PSTPIP1: variants seen among roughly 807,000 people sequenced by gnomAD.
The protein encoded by PSTPIP1 is proline-serine-threonine phosphatase-interacting protein 1.
Under a neutral mutation model 69.6 loss-of-function variants are expected in PSTPIP1, and 66 were observed. The ratio of observed to expected loss-of-function variants is 0.95; its 90% confidence interval spans 0.78 to 1.16. PSTPIP1 has a LOEUF of 1.16. Ranked by LOEUF, PSTPIP1 falls within the 50% of genes most tolerant of loss-of-function variation. The probability of loss-of-function intolerance (pLI) is 0.00; values close to 1 mark genes in which losing one functional copy is unlikely to be tolerated. For missense variants in PSTPIP1, 603 were observed against 557.4 expected, an observed-to-expected ratio of 1.08 and a Z score of -0.82; for synonymous variants, 266 against 222.7, an observed-to-expected ratio of 1.19 and a Z score of -1.73.
At chr15:77,020,854 A>C (rs778519998) in intron 3 of PSTPIP1, among the ~76,000 whole-genome samples, 2 of 125,206 alleles carry the variant, frequency 1.6e-5, no homozygotes, top group Admixed American at 1.8e-4. Context: ...CTGTTTCCTC[A>C]TCTTAGACTC....
chr15:77,031,000 C>T (rs1391231780), intron 9 of PSTPIP1, among the ~76,000 whole-genome samples, 180 bp from the exon 10 acceptor site: 1 of 152,236 alleles, frequency 6.6e-6, no homozygotes, highest in Non-Finnish European at 1.5e-5. Flanking sequence ...ACCTCCCTCC[C>T]TGCAGCCTCA....
rs903762379 is a variant in PSTPIP1 at position 77,025,595 on chromosome 15, G to A, written c.345G>A (p.Gln115=). The change falls in exon 5 of 15, where the codon CAG becomes CAA. Residue 115 remains glutamine (Q), a synonymous_variant. Transcript: ENST00000558012. ...AGTTTCGTGAGAGGCAGAAGGAGCA[G>A]AGGAAGAAGGTGAGGCAGGTGCAGG... ...LEEFRERQKE[Q]RKKYEAVMDR... 5 of 1,545,376 alleles carry A rather than the reference G, an allele frequency of 3.2e-6. No homozygotes were observed. The African/African-American group carries it at 5.5e-5, about 17-fold the overall frequency.
chr15:77,018,324 G>A (rs1228579791), intron 2 of PSTPIP1, 76 bp downstream of exon 2: 13 of 1,534,396 alleles, frequency 8.5e-6, no homozygotes, highest in Admixed American at 3.9e-5. Context: ...GACAGTGGAC[G>A]AGGCCCCCAT....
Position 76,995,402 on chromosome 15 carries a change from C to A in PSTPIP1, c.-172C>A. ...AACAGGTTGAGCTTTTTCCTCCCCTCAGAAGCTCCTCTCTGGCTCGTGGCT... is the reference window on the plus strand; with the variant it reads ...AACAGGTTGAGCTTTTTCCTCCCCTAAGAAGCTCCTCTCTGGCTCGTGGCT... On this transcript the variant is annotated 5_prime_UTR_variant, in exon 1 of 15. Coordinates refer to ENST00000558012, the MANE Select transcript of PSTPIP1 (RefSeq NM_003978.5). 2.1e-6 allele frequency: 3 copies of A among 1,462,582 alleles called. No individual in the cohort carries two copies. The highest frequency in any genetic ancestry group is 2.7e-6 in the Non-Finnish European group (3 of 1,111,662). The allele number at this position is 1,462,582 out of a possible 1,614,324, so 90.6% of individuals were successfully genotyped here. A position where few individuals can be genotyped will look rare whatever the true frequency, so the allele number is the denominator to read the frequency against.
chr15:77,028,266 G>A lies in PSTPIP1; in HGVS notation c.418-288G>A, dbSNP rs939231363. The stretch of plus-strand genomic sequence containing the variant: ...CCTAAGAGGGCGCGGCGTGGCGAGG[G>A]GCGTGGCGAGGGGCGTGCCCTCGCC... On this transcript the variant is annotated intron_variant, in intron 6 of 14. Coordinates refer to ENST00000558012, the MANE Select transcript of PSTPIP1 (RefSeq NM_003978.5). 1.8e-5 allele frequency: 9 copies of A among 500,510 alleles called. No homozygotes were observed. The South Asian group carries it at 2.2e-4, about 12-fold the overall frequency. The allele number at this position is 500,510 out of a possible 1,614,324, so 31.0% of individuals were successfully genotyped here.
chr15:77,026,798 G>A (rs377714305), intron 5 of PSTPIP1, among the ~76,000 whole-genome samples: 139 of 152,378 alleles, frequency 9.1e-4, no homozygotes, highest in African/African-American at 3.1e-3. Flanking sequence ...GAGCTGGGAC[G>A]TGCCCGCAGA....
At chr15:77,001,497 C>T (rs2075706730) in intron 1 of PSTPIP1, among the ~76,000 whole-genome samples, 1 of 152,214 alleles carries the variant, frequency 6.6e-6, no homozygotes, top group Non-Finnish European at 1.5e-5. Flanking sequence ...GCTTTGAGGG[C>T]CAAGGAGGCC....
chr15:77,035,647 T>A, intron 13 of PSTPIP1, 84 bp downstream of exon 13: 1 of 1,490,186 alleles, frequency 6.7e-7, no homozygotes, highest in East Asian at 2.5e-5. Context: ...ATGGGGCCAC[T>A]GAGGCCCTCA....
At chr15:77,025,149 T>G in intron 3 of PSTPIP1, 135 bp from the exon 4 acceptor site, 1 of 975,890 alleles carries the variant, frequency 1.0e-6, no homozygotes, top group South Asian at 1.4e-5. Flanking sequence ...AAAGGGTCCC[T>G]TGGTTCTAGA....
In PSTPIP1 at chr15:77,035,429, T is replaced by C. The variant is rs1262074682; in HGVS notation, c.930-79T>C. Reference sequence around the variant, plus strand: ...AGAGCGCGTGCAGCTCTGAGACCTCTCCCTGTCTAAACCCTCCCTCCTGGT... The same window carrying C: ...AGAGCGCGTGCAGCTCTGAGACCTCCCCCTGTCTAAACCCTCCCTCCTGGT... On this transcript the variant is annotated intron_variant, in intron 12 of 14. Coordinates refer to ENST00000558012, the MANE Select transcript of PSTPIP1 (RefSeq NM_003978.5). 9 of 1,435,850 alleles carry C rather than the reference T, an allele frequency of 6.3e-6. No homozygotes were observed. The African/African-American group carries it at 9.9e-5, about 16-fold the overall frequency. 88.9% of individuals were successfully genotyped at this position (1,435,850 alleles called of 1,614,324 possible).
intron 3 of PSTPIP1, among the ~76,000 whole-genome samples, chr15:77,023,312 C>T (rs1479704540): frequency 6.6e-6 from 1 of 152,198 alleles, no homozygotes; most frequent in Non-Finnish European, 1.5e-5. Context: ...AAAGAGGATG[C>T]CAGGCAAAGA....
intron 1 of PSTPIP1, among the ~76,000 whole-genome samples, chr15:77,000,988 G>A (rs1008650092): frequency 3.3e-5 from 5 of 151,918 alleles, no homozygotes; most frequent in South Asian, 2.1e-4. Flanking sequence ...TTTTTTTAGC[G>A]TAACTCACTC....
chr15:77,003,668 A>G (rs1468742467), intron 1 of PSTPIP1, among the ~76,000 whole-genome samples: 2 of 149,428 alleles, frequency 1.3e-5, no homozygotes, highest in Non-Finnish European at 3.0e-5. Flanking sequence ...AAAAAAAAAA[A>G]GAAGAAGAAG....
Position 77,037,343 on chromosome 15 carries a change from T to A in PSTPIP1, c.*167T>A. The A allele has an allele frequency of 2.4e-5, 21 of 885,300 alleles. No homozygotes were observed. Among genetic ancestry groups the A allele is most frequent in the Non-Finnish European group, 3.4e-5 (21 of 610,208 alleles). 54.8% of individuals were successfully genotyped at this position (885,300 alleles called of 1,614,324 possible). ...GTGCGTTCTGTTCTCCTTGGTGTGC[T>A]GGGGTCCCGTTCTCTTTTTCTCCTG... is the stretch of plus-strand genomic sequence containing the variant. On this transcript the variant is annotated 3_prime_UTR_variant, in exon 15 of 15. Coordinates refer to ENST00000558012, the MANE Select transcript of PSTPIP1 (RefSeq NM_003978.5).
rs1328964535 is a variant in PSTPIP1 at position 76,995,549 on chromosome 15, G to A, written c.-25G>A. ...AGGCCAGCCTGTGGCAGGAGAGTGA[G>A]CTTTGCCGCGGCAGACGCCTGAGGA... On this transcript the variant is annotated 5_prime_UTR_variant, in exon 1 of 15. Coordinates refer to ENST00000558012, the MANE Select transcript of PSTPIP1 (RefSeq NM_003978.5). 2.5e-6 allele frequency: 4 copies of A among 1,613,742 alleles called. No homozygotes were observed. The highest frequency in any genetic ancestry group is 3.4e-6 in the Non-Finnish European group (4 of 1,179,882).
At chr15:76,998,891 G>A (rs2469230) in intron 1 of PSTPIP1, among the ~76,000 whole-genome samples, 87 of 152,258 alleles carry the variant, frequency 5.7e-4, no homozygotes, top group African/African-American at 2.0e-3. Context: ...AGGGAGGGAA[G>A]GGATAATGTG....
Position 77,030,484 on chromosome 15 carries a change from G to A in PSTPIP1, c.563-18G>A, listed in dbSNP as rs748783442. ...GAGCTCGTGTCAGGGCCCTCCCTGAGGCTGCCTGCGCTTTCAGAGCGGGTA... is the reference window on the plus strand; with the variant it reads ...GAGCTCGTGTCAGGGCCCTCCCTGAAGCTGCCTGCGCTTTCAGAGCGGGTA... On this transcript the variant is annotated intron_variant, in intron 8 of 14. Transcript: ENST00000558012. The A allele has an allele frequency of 5.6e-6, 9 of 1,609,810 alleles. No individual in the cohort carries two copies. In the Admixed American group the frequency reaches 1.2e-4, roughly 21 times the overall value.
intron 1 of PSTPIP1, among the ~76,000 whole-genome samples, chr15:77,000,318 A>G (rs1348782062): frequency 6.6e-6 from 1 of 152,122 alleles, no homozygotes; most frequent in Non-Finnish European, 1.5e-5. Flanking sequence ...ATGAGGCTAC[A>G]GAGAAGGGGA....
chr15:77,016,813 G>C (rs2152677854), intron 1 of PSTPIP1, among the ~76,000 whole-genome samples: 1 of 152,296 alleles, frequency 6.6e-6, no homozygotes, highest in African/African-American at 2.4e-5. Context: ...TCTTCCTGCA[G>C]AGAGCTCTCC....
Sources: allele counts gnomAD v4.1 joint callset (sites outside exome capture counted in the v4.1 genomes callset), GRCh38; gene constraint gnomAD v4.1.1; transcripts MANE v1.5; gene names NCBI Gene and HGNC (gene_info 2026-07-23, HGNC 2026-07-21).